The following KMT2C variants were observed in gnomAD, a reference collection of about 807,000 sequenced individuals.
KMT2C encodes the protein histone-lysine N-methyltransferase 2C.
KMT2C carries 88 observed loss-of-function variants against 507.9 expected under a neutral mutation model. That is an observed-to-expected ratio of 0.17 (90% CI 0.15 to 0.21). The LOEUF is 0.21. Among genes scored for constraint, KMT2C ranks in the 10% least tolerant of loss-of-function variants. The pLI, the probability that KMT2C is intolerant of heterozygous loss-of-function variation, is 1.00. For synonymous variants in KMT2C, 2,049 were observed against 2,080.8 expected, an observed-to-expected ratio of 0.98 and a Z score of 0.42; for missense variants, 4,954 against 5,957.8, an observed-to-expected ratio of 0.83 and a Z score of 5.55.
In KMT2C at chr7:152,317,823, T is replaced by C. The variant is rs546233345; in HGVS notation, c.390-2485A>G. Among the ~76,000 whole-genome samples, 18 of 152,044 alleles carry C rather than the reference T, an allele frequency of 1.2e-4. No individual in the cohort carries two copies. In the South Asian group the frequency reaches 2.3e-3, roughly 19 times the overall value. Reference sequence around the variant, plus strand: ...GATTTTGAGACCAGCCTGGGCAACATAGTGAGACCCTGCCTGTATTTTAAA... The same window carrying C: ...GATTTTGAGACCAGCCTGGGCAACACAGTGAGACCCTGCCTGTATTTTAAA... On this transcript the variant is annotated intron_variant, in intron 3 of 58. Coordinates refer to ENST00000262189, the MANE Select transcript of KMT2C (RefSeq NM_170606.3).
chr7:152,256,533 G>A (rs531238468), intron 9 of KMT2C, among the ~76,000 whole-genome samples: 42 of 152,106 alleles, frequency 2.8e-4, no homozygotes, highest in Admixed American at 9.2e-4. Context: ...TACTATGGCC[G>A]GGGTGATGGA....
At chr7:152,169,029 A>T (rs1283148479) in intron 41 of KMT2C, among the ~76,000 whole-genome samples, 157 bp downstream of exon 41, 2 of 152,206 alleles carry the variant, frequency 1.3e-5, no homozygotes, top group Non-Finnish European at 2.9e-5. Context: ...ACACGCCTTG[A>T]AGAAGAGTTG....
intron 55 of KMT2C, 151 bp from the exon 56 acceptor site, chr7:152,139,942 A>C: frequency 3.1e-6 from 2 of 639,062 alleles, no homozygotes; most frequent in East Asian, 5.2e-5. Context: ...ATTTTCTGAA[A>C]TTTTAAAAAT....
intron 1 of KMT2C, among the ~76,000 whole-genome samples, chr7:152,373,054 AAGAAAGCT>A (rs1333910571): frequency 6.6e-6 from 1 of 152,220 alleles, no homozygotes; most frequent in African/African-American, 2.4e-5. Flanking sequence ...ATGACATAGG[AAGAAAGCT>A]AGAAAATTCA....
At chr7:152,398,999 G>A (rs2097554790) in intron 1 of KMT2C, among the ~76,000 whole-genome samples, 1 of 150,334 alleles carries the variant, frequency 6.7e-6, no homozygotes, top group Non-Finnish European at 1.5e-5. Flanking sequence ...GCTAATTTTT[G>A]TGGGATTTTT....
chr7:152,364,451 C>CA (rs540581334), intron 1 of KMT2C, among the ~76,000 whole-genome samples: 208 of 151,558 alleles, frequency 1.4e-3, no homozygotes, highest in Non-Finnish European at 2.6e-3. Flanking sequence ...ACTAAAAATA[C>CA]AAAAAATTAG....
chr7:152,294,830 C>T (rs775661202), intron 6 of KMT2C, among the ~76,000 whole-genome samples: 6 of 152,154 alleles, frequency 3.9e-5, no homozygotes, highest in African/African-American at 1.4e-4. Flanking sequence ...GTAACTTATT[C>T]TGTGTTAACA....
chr7:152,360,809 A>G (rs2097190762), intron 1 of KMT2C, among the ~76,000 whole-genome samples: 1 of 151,762 alleles, frequency 6.6e-6, no homozygotes, highest in Admixed American at 6.6e-5. Flanking sequence ...AGATTGCACC[A>G]CTGCACTCCA....
At chr7:152,255,993 A>C (rs1440230270) in intron 9 of KMT2C, among the ~76,000 whole-genome samples, 1 of 152,070 alleles carries the variant, frequency 6.6e-6, no homozygotes, top group Non-Finnish European at 1.5e-5. Flanking sequence ...ACATGGCAAA[A>C]CCCTATCTCT....
chr7:152,235,900 G>A lies in KMT2C; in HGVS notation c.2686C>T (p.Pro896Ser), dbSNP rs747577575. ...CGCCCCGACAGTCCTGCACCTCGAG[G>A]TCTCCGCTTTCCTGGAAATCCAGAC... ...RGSGFPGKRR[P>S]RGAGLSGRGG... is the part of the protein sequence containing the mutation. The change falls in exon 16 of 59, where the codon CCT (proline) becomes TCT (serine). Residue 896 changes from proline (P) to serine (S), a missense_variant. By Grantham distance (74) the Pro-to-Ser change is moderately conservative (BLOSUM62 -1). Transcript: ENST00000262189. 1.9e-6 allele frequency: 3 copies of A among 1,611,858 alleles called. No individual in the cohort carries two copies. The highest frequency in any genetic ancestry group is 2.5e-6 in the Non-Finnish European group (3 of 1,179,740).
intron 1 of KMT2C, among the ~76,000 whole-genome samples, chr7:152,402,512 T>C (rs2097580226): frequency 6.6e-6 from 1 of 152,300 alleles, no homozygotes; most frequent in Admixed American, 6.5e-5. Context: ...TCTATACAAT[T>C]CATGACTAAG....
chr7:152,401,638 C>A (rs1283409285), intron 1 of KMT2C, among the ~76,000 whole-genome samples: 2 of 152,286 alleles, frequency 1.3e-5, no homozygotes, highest in Non-Finnish European at 2.9e-5. Flanking sequence ...TTGCAGTGAA[C>A]CAAGATCGCA....
chr7:152,367,089 T>C, intron 1 of KMT2C: 1 of 801,970 alleles, frequency 1.2e-6, no homozygotes, highest in Non-Finnish European at 2.1e-6. Context: ...TGCTGCATTT[T>C]TATCCAGAGA....
chr7:152,165,063 T>G (rs1342188126), intron 42 of KMT2C, among the ~76,000 whole-genome samples: 1 of 152,276 alleles, frequency 6.6e-6, no homozygotes, highest in Non-Finnish European at 1.5e-5. Flanking sequence ...GTTTCATCTC[T>G]TCTTCAACAG....
At chr7:152,282,813 C>CTA (rs141948639) in intron 6 of KMT2C, among the ~76,000 whole-genome samples, 1 of 151,824 alleles carries the variant, frequency 6.6e-6, no homozygotes, top group Non-Finnish European at 1.5e-5. Context: ...TATTCACTTG[C>CTA]TATATATATA....
chr7:152,416,037 T>A (rs1365974112), intron 1 of KMT2C, among the ~76,000 whole-genome samples: 2 of 152,134 alleles, frequency 1.3e-5, no homozygotes, highest in African/African-American at 2.4e-5. Context: ...ACATTGCTAA[T>A]GACATTACAA....
At chr7:152,371,420 A>G (rs11982885) in intron 1 of KMT2C, among the ~76,000 whole-genome samples, 7,448 of 152,226 alleles carry the variant, frequency 0.049, 306 homozygotes, top group African/African-American at 0.1. Flanking sequence ...GCATATCACT[A>G]TCAAAAAAAT....
chr7:152,195,693 A>C (rs1170124817), intron 28 of KMT2C: 1 of 296,422 alleles, frequency 3.4e-6, no homozygotes, highest in African/African-American at 2.3e-5. Flanking sequence ...AATGTGATGC[A>C]ATTAGAAAGA....
intron 43 of KMT2C, 53 bp downstream of exon 43, chr7:152,162,064 A>C: frequency 6.7e-7 from 1 of 1,484,684 alleles, no homozygotes; most frequent in African/African-American, 1.4e-5. Flanking sequence ...ATCTGCTGTA[A>C]GTATAATTTA....
Sources: gnomAD v4.1 joint callset for allele counts (sites outside exome capture counted in the v4.1 genomes callset) on GRCh38, gnomAD v4.1.1 for gene constraint, MANE v1.5 for transcripts, NCBI Gene and HGNC (gene_info 2026-07-23, HGNC 2026-07-21) for gene names.